Variants in NLRP1 observed in about 807,000 individuals in gnomAD.
The protein encoded by NLRP1 is NACHT, LRR and PYD domains-containing protein 1.
In NLRP1, 94 loss-of-function variants were observed where a neutral mutation model predicts 136.7. That is an observed-to-expected ratio of 0.69 (90% CI 0.58 to 0.82). NLRP1 has a LOEUF of 0.82. Among genes scored for constraint, NLRP1 ranks in the 40% least tolerant of loss-of-function variants. The pLI is 0.00. For synonymous variants in NLRP1, 690 were observed against 725.1 expected, an observed-to-expected ratio of 0.95 and a Z score of 0.78; for missense variants, 1,575 against 1,802.7, an observed-to-expected ratio of 0.87 and a Z score of 2.29.
intron 11 of NLRP1, 49 bp from the exon 12 acceptor site, chr17:5,530,753 C>T: frequency 1.4e-6 from 2 of 1,466,854 alleles, no homozygotes; most frequent in Non-Finnish European, 1.9e-6. Flanking sequence ...ACTCACTGAG[C>T]ACCTGCTGGA....
intron 5 of NLRP1, among the ~76,000 whole-genome samples, chr17:5,545,461 TACAG>T (rs1213972391): frequency 3.4e-5 from 3 of 89,230 alleles, no homozygotes; most frequent in Non-Finnish European, 6.3e-5. Flanking sequence ...CAGACACACA[TACAG>T]ACACACACAC....
Position 5,514,788 on chromosome 17 carries a change from C to G in NLRP1, c.4388G>C (p.Gly1463Ala). 6.2e-7 allele frequency: 1 copy of G among 1,614,006 alleles called. No homozygotes were observed. The highest frequency in any genetic ancestry group is 1.1e-5 in the South Asian group (1 of 91,072). The change falls in exon 17 of 17, where the codon GGC becomes GCC. Residue 1463 changes from glycine to alanine, a missense_variant. By Grantham distance (60) the Gly-to-Ala change is moderately conservative. Transcript: ENST00000572272. ...PHLIMELWEK[G>A]SKKGLLPLSS ...GAGTGGCAGGAGTCCCTTTTTGCTG[C>G]CCTTCTCCCAGAGTTCCATAATGAG...
intron 3 of NLRP1, among the ~76,000 whole-genome samples, chr17:5,565,676 G>A (rs1915251267): frequency 6.6e-6 from 1 of 152,164 alleles, no homozygotes; most frequent in Non-Finnish European, 1.5e-5. Flanking sequence ...TTGGTATTAA[G>A]GTAATACTGG....
chr17:5,559,986 A>G lies in NLRP1; in HGVS notation c.710T>C (p.Val237Ala). Residue 237 changes from valine to alanine, a missense_variant, in exon 4 of 17, where the codon GTG becomes GCG. Transcript: ENST00000572272. ...SEKGRPPWAA[V>A]VGTPPQAHTS... ...GTGCGCCTGTGGGGGCGTTCCTACC[A>G]CCGCTGCCCATGGGGGCCTGCCTTT... The G allele has an allele frequency of 8.1e-6, 13 of 1,606,260 alleles. No individual in the cohort carries two copies. The highest frequency in any genetic ancestry group is 1.1e-5 in the Non-Finnish European group (13 of 1,176,532).
intron 5 of NLRP1, among the ~76,000 whole-genome samples, chr17:5,542,895 T>C (rs1009822858): frequency 1.3e-5 from 2 of 152,004 alleles, no homozygotes; most frequent in Non-Finnish European, 2.9e-5. Context: ...AGTGGCGTGA[T>C]CTCGGCTCAC....
rs1279707054 is a variant in NLRP1, at chr17:5,504,713, G to GTAT, written c.4070-2844_4070-2842dup. ...CATCTCTCTGACCCAAGGGTAAGAG[G>GTAT]TATACCTCCCAATCCCCTCAGCTAC... On this transcript the variant is annotated intron_variant, in intron 15 of 15. Transcript: ENST00000262467. The surrounding 1 kb of genome is among the most constrained non-coding windows in gnomAD (Gnocchi z 4.4). The GTAT allele has an allele frequency of 6.6e-6, 1 of 152,390 alleles. No individual in the cohort carries two copies. The highest frequency in any genetic ancestry group is 1.5e-5 in the Non-Finnish European group (1 of 68,184). The allele number at this position is 152,390 out of a possible 1,614,324, so 9.4% of individuals were successfully genotyped here.
chr17:5,511,767 CTT>C (rs1428899629), downstream of NLRP1, among the ~76,000 whole-genome samples: 1 of 138,546 alleles, frequency 7.2e-6, no homozygotes, highest in Admixed American at 6.9e-5. Flanking sequence ...TTTTCTTTCT[CTT>C]TCTCTTTCTT....
chr17:5,550,856 C>T (rs991516262), intron 5 of NLRP1, among the ~76,000 whole-genome samples: 9 of 152,122 alleles, frequency 5.9e-5, no homozygotes, highest in Non-Finnish European at 1.2e-4. Flanking sequence ...TTTTCTTCTT[C>T]TTCAATAGAC....
At chr17:5,572,943 C>A (rs145037450) in intron 3 of NLRP1, among the ~76,000 whole-genome samples, 10,156 of 152,218 alleles carry the variant, frequency 0.067, 791 homozygotes, top group African/African-American at 0.19. Context: ...CCAGGTTCAT[C>A]TCACTGGGGC....
intron 3 of NLRP1, among the ~76,000 whole-genome samples, chr17:5,561,453 T>C (rs1360553164): frequency 3.7e-5 from 2 of 53,738 alleles, no homozygotes; most frequent in Non-Finnish European, 7.1e-5. Context: ...TTTTTTTTTT[T>C]TGAGACGGAG....
rs778828361 is a variant in NLRP1, at chr17:5,559,755, A to C, written c.941T>G (p.Ile314Ser). 1.1e-5 allele frequency: 18 copies of C among 1,614,220 alleles called. No individual in the cohort carries two copies. Among genetic ancestry groups the C allele is most frequent in the Non-Finnish European group, 1.5e-5 (18 of 1,180,032 alleles). ...CAGGCCTGGGCCAAATAAGTCTCTGATCTCAATTAAATGTCCTCGATTCTC... is the reference window on the plus strand; with the variant it reads ...CAGGCCTGGGCCAAATAAGTCTCTGCTCTCAATTAAATGTCCTCGATTCTC... ...VEENRGHLIE[I>S]RDLFGPGLDT... Residue 314 changes from isoleucine (I) to serine (S), a missense_variant, in exon 4 of 17, where the codon ATC becomes AGC. Coordinates refer to ENST00000572272, the MANE Select transcript of NLRP1 (RefSeq NM_033004.4).
At chr17:5,533,594 T>TG (rs550414296) in intron 9 of NLRP1, among the ~76,000 whole-genome samples, 87 of 136,058 alleles carry the variant, frequency 6.4e-4, no homozygotes, top group African/African-American at 2.3e-3. Flanking sequence ...AGGGCAAAGA[T>TG]GGAGATGTGA....
Position 5,583,873 on chromosome 17 carries a change from C to A in NLRP1, c.85G>T (p.Ala29Ser), listed in dbSNP as rs971095282. Residue 29 changes from alanine (A) to serine (S), a missense_variant, in exon 1 of 17, where the codon GCC (alanine) becomes TCC (serine). Transcript: ENST00000572272. This position sits in a 1 kb window ranked among gnomAD's most constrained non-coding sequence, Gnocchi z 4.5. ...GAGCTCCTGGAGTGCGCTTTATTGG[C>A]GAGCAGAAGCTGGAACTCCTTCAGC... ...EELKEFQLLL[A>S]NKAHSRSSSG... The A allele has an allele frequency of 2.5e-6, 4 of 1,588,428 alleles. No individual in the cohort carries two copies. The highest frequency in any genetic ancestry group is 3.4e-6 in the Non-Finnish European group (4 of 1,165,390).
In NLRP1 at chr17:5,529,430, C is replaced by T. The variant is rs1277441445; in HGVS notation, c.3520+1051G>A. On this transcript the variant is annotated intron_variant, in intron 12 of 16. Transcript: ENST00000572272. Reference sequence around the variant, plus strand: ...TGGCCCAGGCTGGAGTGCAGTGGTGCGATCTTGGCTCACTGCAAGCTCCAC... The same window carrying T: ...TGGCCCAGGCTGGAGTGCAGTGGTGTGATCTTGGCTCACTGCAAGCTCCAC... Among the ~76,000 whole-genome samples the T allele has an allele frequency of 2.7e-5, 4 of 148,870 alleles. No individual in the cohort carries two copies. In the East Asian group the frequency reaches 5.9e-4, roughly 22 times the overall value.
At chr17:5,536,806 C>A (rs1187968714) in intron 8 of NLRP1, 45 bp downstream of exon 8, 1 of 1,404,840 alleles carries the variant, frequency 7.1e-7, no homozygotes, top group Non-Finnish European at 1.0e-6. Context: ...TCCTGCTCAG[C>A]CCTGGGCCTG....
At chr17:5,520,062 G>A (rs1213190644) in intron 14 of NLRP1, among the ~76,000 whole-genome samples, 1 of 151,380 alleles carries the variant, frequency 6.6e-6, no homozygotes, top group Non-Finnish European at 1.5e-5. Context: ...TCACCATGTT[G>A]GCCAGGCTGG....
chr17:5,559,733 G>A lies in NLRP1; in HGVS notation c.963C>T (p.Gly321=). ...CTATGCGAGGTTCTTGGGTATCCAG[G>A]CCTGGGCCAAATAAGTCTCTGATCT... The part of the protein sequence containing the change: ...LIEIRDLFGP[G]LDTQEPRIVI... Residue 321 remains glycine (G), a synonymous_variant, in exon 4 of 17, where the codon GGC becomes GGT. Coordinates refer to ENST00000572272, the MANE Select transcript of NLRP1 (RefSeq NM_033004.4). 1 of 1,614,254 alleles carries A rather than the reference G, an allele frequency of 6.2e-7. No homozygotes were observed. The highest frequency in any genetic ancestry group is 8.5e-7 in the Non-Finnish European group (1 of 1,180,048).
Position 5,504,011 on chromosome 17 carries a change from T to A in NLRP1, c.4070-2139A>T, listed in dbSNP as rs1013488591. 6.6e-6 allele frequency: 1 copy of A among 152,302 alleles called. No homozygotes were observed. The highest frequency in any genetic ancestry group is 2.4e-5 in the African/African-American group (1 of 41,430). 9.4% of individuals were successfully genotyped at this position (152,302 alleles called of 1,614,324 possible). ...GGGGTATTTGCCTCTGGAAGAAAGA[T>A]ACACTGTCTGAGTCAATAGGAATCA... On this transcript the variant is annotated intron_variant, in intron 15 of 15. Transcript: ENST00000262467. The surrounding 1 kb of genome is among the most constrained non-coding windows in gnomAD (Gnocchi z 4.4).
intron 5 of NLRP1, among the ~76,000 whole-genome samples, chr17:5,544,370 C>T (rs1378495357): frequency 6.6e-6 from 1 of 152,214 alleles, no homozygotes; most frequent in Non-Finnish European, 1.5e-5. Context: ...ATACCTAATG[C>T]ATCCTGGCAA....
Sources: allele counts gnomAD v4.1 joint callset (sites outside exome capture counted in the v4.1 genomes callset), GRCh38; gene constraint gnomAD v4.1.1; non-coding constraint Gnocchi (gnomAD v3.1); transcripts MANE v1.5; gene names NCBI Gene and HGNC (gene_info 2026-07-23, HGNC 2026-07-21).